FANCI: variants seen among roughly 807,000 people sequenced by gnomAD.
The protein encoded by FANCI is Fanconi anemia group I protein.
In FANCI, 156 loss-of-function variants were observed where a neutral mutation model predicts 176.1. The observed-to-expected ratio is 0.89, with a 90% confidence interval of 0.78 to 1.01. The LOEUF (loss-of-function observed/expected upper bound fraction) is 1.01. Among genes scored for constraint, FANCI ranks in the 50% least tolerant of loss-of-function variants. The pLI, the probability that FANCI is intolerant of heterozygous loss-of-function variation, is 0.00. For synonymous variants in FANCI, 613 were observed against 541.7 expected, an observed-to-expected ratio of 1.13 and a Z score of -1.83; for missense variants, 1,678 against 1,534.1, an observed-to-expected ratio of 1.09 and a Z score of -1.57.
At chr15:89,281,325 C>T in intron 15 of FANCI, 25 bp downstream of exon 15, 1 of 1,613,070 alleles carries the variant, frequency 6.2e-7, no homozygotes, top group Non-Finnish European at 8.5e-7. Flanking sequence ...TCCCAAGTAA[C>T]TTGCCAAAAC....
chr15:89,276,166 G>T (rs1426823821), intron 12 of FANCI, among the ~76,000 whole-genome samples: 1 of 152,202 alleles, frequency 6.6e-6, no homozygotes, highest in Non-Finnish European at 1.5e-5. Flanking sequence ...AACCACCAAT[G>T]ATTCTACTCT....
Position 89,303,989 on chromosome 15 carries a change from A to G in FANCI, c.3058+74A>G. 2.1e-6 allele frequency: 3 copies of G among 1,401,090 alleles called. 1 individual carries two copies. The highest frequency in any genetic ancestry group is 2.3e-5 in the South Asian group (2 of 86,206). 86.8% of individuals were successfully genotyped at this position (1,401,090 alleles called of 1,614,324 possible). ...CCTCCAGTGGCATTTGGAAAAGAAA[A>G]GGTATTCCCCATTCATTACACATTC... On this transcript the variant is annotated intron_variant, in intron 28 of 37. Transcript: ENST00000310775.
At chr15:89,281,402 A>T (rs1230606482) in intron 15 of FANCI, 102 bp downstream of exon 15, 1 of 1,407,266 alleles carries the variant, frequency 7.1e-7, no homozygotes, top group Admixed American at 1.7e-5. Flanking sequence ...AAGAAATTCT[A>T]TTCCACTTTA....
intron 2 of FANCI, among the ~76,000 whole-genome samples, chr15:89,248,509 A>G (rs1411838844): frequency 6.7e-6 from 1 of 148,698 alleles, no homozygotes; most frequent in Non-Finnish European, 1.5e-5. Context: ...GAATTGATGC[A>G]GTGTTGCTCT....
chr15:89,285,337 C>A, intron 18 of FANCI, 119 bp downstream of exon 18: 1 of 1,345,276 alleles, frequency 7.4e-7, no homozygotes, highest in Non-Finnish European at 1.0e-6. Context: ...TAGTCAGCAC[C>A]AGTAGCTAGT....
At chr15:89,244,265 TC>T in intron 1 of FANCI, 1 of 152,410 alleles carries the variant, frequency 6.6e-6, no homozygotes, top group Non-Finnish European at 1.5e-5. Context: ...GTTAAATTCT[TC>T]CCCCTTGGCC....
intron 2 of FANCI, among the ~76,000 whole-genome samples, chr15:89,252,161 G>A (rs59769307): frequency 0.014 from 2,165 of 151,978 alleles, 32 homozygotes; most frequent in African/African-American, 0.05. Flanking sequence ...TTAGCTGGGC[G>A]TGGTGGTGTG....
At position 89,316,889 on chromosome 15, in the gene FANCI, G is replaced by T; in HGVS notation, c.*430G>T. 8.4e-7 allele frequency: 1 copy of T among 1,187,228 alleles called. No individual in the cohort carries two copies. Among genetic ancestry groups the T allele is most frequent in the Non-Finnish European group, 1.3e-6 (1 of 790,212 alleles). 73.5% of individuals were successfully genotyped at this position (1,187,228 alleles called of 1,614,324 possible). A position where few individuals can be genotyped will look rare whatever the true frequency, so the allele number is the denominator to read the frequency against. ...AAGAACTGTAACTGAGAGCTCAGAA[G>T]TGAGCAAAGGAGCTTAATGCTAAGG... is the stretch of plus-strand genomic sequence containing the variant. On this transcript the variant is annotated 3_prime_UTR_variant, in exon 38 of 38. Transcript: ENST00000310775.
At chr15:89,282,913 T>A in intron 16 of FANCI, 1 of 544,600 alleles carries the variant, frequency 1.8e-6, no homozygotes, top group South Asian at 2.0e-5. Context: ...GGAAGTAGAG[T>A]ATCATGAGTT....
At chr15:89,281,901 TGC>T in intron 16 of FANCI, 66 bp downstream of exon 16, 2 of 1,393,430 alleles carry the variant, frequency 1.4e-6, no homozygotes, top group South Asian at 2.3e-5. Context: ...AAGTTATCTC[TGC>T]CATCTCCTAG....
intron 34 of FANCI, chr15:89,308,061 G>T: frequency 8.8e-7 from 1 of 1,133,764 alleles, no homozygotes; most frequent in South Asian, 2.3e-5. Context: ...TGCAGTGAGG[G>T]CACTTTCAGG....
In FANCI at chr15:89,305,339, A is replaced by G. The variant is rs1472123387; in HGVS notation, c.3187-2A>G. The G allele has an allele frequency of 3.1e-6, 5 of 1,614,058 alleles. No individual in the cohort carries two copies. The highest frequency in any genetic ancestry group is 4.5e-5 in the East Asian group (2 of 44,898). Reference sequence around the variant, plus strand: ...AGGTCTCACCTCTCTTCTTTTCCCCAGGATGTAGAGGTGGAGAAAACAAAC... The same window carrying G: ...AGGTCTCACCTCTCTTCTTTTCCCCGGGATGTAGAGGTGGAGAAAACAAAC... On this transcript the variant is annotated splice_acceptor_variant, in intron 29 of 37. Coordinates refer to ENST00000310775, the MANE Select transcript of FANCI (RefSeq NM_001113378.2). LOFTEE classifies it high-confidence loss of function.
intron 35 of FANCI, among the ~76,000 whole-genome samples, chr15:89,313,900 TACACAC>T (rs34352725): frequency 4.2e-4 from 60 of 142,720 alleles, no homozygotes; most frequent in East Asian, 1.7e-3. Context: ...GGGTTAAAAA[TACACAC>T]ACACACACAC....
At chr15:89,247,604 C>A in intron 1 of FANCI, 25 bp from the exon 2 acceptor site, 1 of 1,505,674 alleles carries the variant, frequency 6.6e-7, no homozygotes, top group Non-Finnish European at 9.2e-7. Flanking sequence ...AATCTTCACC[C>A]ACCTCTGACG....
At chr15:89,290,016 T>G (rs2053998551) in intron 18 of FANCI, among the ~76,000 whole-genome samples, 197 bp from the exon 19 acceptor site, 1 of 152,192 alleles carries the variant, frequency 6.6e-6, no homozygotes, top group South Asian at 2.1e-4. Flanking sequence ...CTCTGAGCAG[T>G]TCTTAACTAA....
chr15:89,290,225 G>A lies in FANCI; in HGVS notation c.1834G>A (p.Val612Ile), dbSNP rs1286680500. The change falls in exon 19 of 38, where the codon GTT becomes ATT. Residue 612 changes from valine (V) to isoleucine (I), a missense_variant. This residue lies in a region of FANCI where 1,204 missense variants were observed against 1,077.4 expected (regional missense o/e 1.12). Transcript: ENST00000310775. ...RLMLYEGFYD[V>I]LRRNSQLANS... ...TGATTCCTCTTAGGGGTTTTATGAT[G>A]TTCTTCGAAGGAACTCTCAGCTGGC... The A allele has an allele frequency of 3.1e-6, 5 of 1,613,750 alleles. No individual in the cohort carries two copies. The highest frequency in any genetic ancestry group is 4.2e-6 in the Non-Finnish European group (5 of 1,179,698).
intron 34 of FANCI, chr15:89,308,251 T>TC: frequency 1.2e-6 from 1 of 857,222 alleles, no homozygotes; most frequent in Non-Finnish European, 1.4e-6. Context: ...GGATGTTGAG[T>TC]AGCATCCCTG....
intron 33 of FANCI, 27 bp from the exon 34 acceptor site, chr15:89,307,586 T>C (rs1342393460): frequency 3.7e-6 from 6 of 1,614,204 alleles, no homozygotes; most frequent in Admixed American, 1.7e-5. Flanking sequence ...GCTGGTTACA[T>C]TGGTTTCCTT....
chr15:89,244,976 A>G (rs889680251), intron 1 of FANCI, among the ~76,000 whole-genome samples: 1 of 152,214 alleles, frequency 6.6e-6, no homozygotes, highest in Non-Finnish European at 1.5e-5. Flanking sequence ...TGCTGGAGAT[A>G]CAATGATAAA....
Sources: allele counts gnomAD v4.1 joint callset (sites outside exome capture counted in the v4.1 genomes callset), GRCh38; gene constraint gnomAD v4.1.1; regional missense constraint gnomAD v4.1.1; transcripts MANE v1.5; gene names NCBI Gene and HGNC (gene_info 2026-07-23, HGNC 2026-07-21).